Variants in TRPM3 observed in about 807,000 individuals in gnomAD.
TRPM3 encodes long transient receptor potential channel 3.
TRPM3 carries 77 observed loss-of-function variants against 181.2 expected under a neutral mutation model. The observed-to-expected ratio is 0.42, with a 90% CI of 0.35 to 0.51. TRPM3 has a LOEUF of 0.51. Ranked by LOEUF, TRPM3 falls within the 20% of genes least tolerant of loss-of-function variation. The probability of loss-of-function intolerance (pLI) is 0.01; values close to 1 mark genes in which losing one functional copy is unlikely to be tolerated. For missense variants in TRPM3, 1,759 were observed against 2,196.7 expected (o/e 0.80, Z 3.98); for synonymous variants, 745 against 796.4 (o/e 0.94, Z 1.09).
intron 1 of TRPM3, among the ~76,000 whole-genome samples, chr9:70,962,020 A>G (rs544658096): frequency 6.6e-6 from 1 of 152,306 alleles, no homozygotes; most frequent in South Asian, 2.1e-4. Context: ...CAAATTATAA[A>G]GATGATAGGA....
intron 1 of TRPM3, among the ~76,000 whole-genome samples, chr9:71,018,031 T>G (rs1249639610): frequency 6.6e-6 from 1 of 151,888 alleles, no homozygotes; most frequent in African/African-American, 2.4e-5. Context: ...GATAACTGAA[T>G]GATCCCCCGC....
chr9:70,917,676 C>T (rs2096614691), intron 1 of TRPM3, among the ~76,000 whole-genome samples: 1 of 151,594 alleles, frequency 6.6e-6, no homozygotes, highest in African/African-American at 2.4e-5. Flanking sequence ...AATTAAATCA[C>T]ATCACCAGAG....
At chr9:71,185,975 G>C (rs1007230470) in intron 1 of TRPM3, among the ~76,000 whole-genome samples, 1 of 152,218 alleles carries the variant, frequency 6.6e-6, no homozygotes, top group African/African-American at 2.4e-5. Context: ...AGGCCATGCT[G>C]TCAGTGAAAC....
At chr9:71,078,365 T>C (rs1450658517) in intron 1 of TRPM3, among the ~76,000 whole-genome samples, 1 of 152,172 alleles carries the variant, frequency 6.6e-6, no homozygotes, top group Admixed American at 6.5e-5. Context: ...TGTGTATAAA[T>C]ACACACTTTT....
At position 71,413,370 on chromosome 9, in the gene TRPM3, T is replaced by G. The variant is rs181313322; in HGVS notation, c.183+33283A>C. On this transcript the variant is annotated intron_variant, in intron 1 of 24. Transcript: ENST00000357533. Reference sequence around the variant, plus strand: ...AAATTATAATATCGAAAGTGTCTATTATTCTTTTTATAGGTGAGAAGAAAA... The same window carrying G: ...AAATTATAATATCGAAAGTGTCTATGATTCTTTTTATAGGTGAGAAGAAAA... Among the ~76,000 whole-genome samples, 305 of 152,256 alleles carry G rather than the reference T, an allele frequency of 2.0e-3. 1 individual carries two copies. The highest frequency in any genetic ancestry group is 7.1e-3 in the African/African-American group (294 of 41,564).
At chr9:71,005,060 T>C (rs936280897) in intron 1 of TRPM3, among the ~76,000 whole-genome samples, 2 of 152,022 alleles carry the variant, frequency 1.3e-5, no homozygotes, top group African/African-American at 2.4e-5. Flanking sequence ...GGAAGCCAAT[T>C]TGAGAAAATA....
intron 7 of TRPM3, chr9:70,783,874 CCTTTTTATTATCCGT>C: frequency 8.2e-7 from 1 of 1,224,268 alleles, no homozygotes; most frequent in East Asian, 3.7e-5. Flanking sequence ...TTTTCCTCAC[CCTTTTTATTATCCGT>C]GTAGCTTTCA....
At chr9:70,668,483 T>C (rs2062196750) in intron 9 of TRPM3, among the ~76,000 whole-genome samples, 1 of 151,802 alleles carries the variant, frequency 6.6e-6, no homozygotes, top group Non-Finnish European at 1.5e-5. Flanking sequence ...GCTAACACAG[T>C]GAAACCCCGT....
intron 1 of TRPM3, among the ~76,000 whole-genome samples, chr9:70,947,316 C>T (rs1391122221): frequency 3.3e-5 from 5 of 152,168 alleles, no homozygotes; most frequent in Non-Finnish European, 7.3e-5. Context: ...TGGATGTCTT[C>T]TTCTGTGAAG....
At chr9:71,380,906 T>C (rs988871833) in intron 1 of TRPM3, among the ~76,000 whole-genome samples, 35 of 149,672 alleles carry the variant, frequency 2.3e-4, no homozygotes, top group African/African-American at 7.1e-4. Context: ...CCATATATAG[T>C]AGGGAGTAGG....
At position 70,608,589 on chromosome 9, in the gene TRPM3, A is replaced by G. The variant is rs1291256723; in HGVS notation, c.2667+2020T>C. The stretch of plus-strand genomic sequence containing the variant: ...AGTGGTTATTGCCTGTAATCCCAGC[A>G]CTTTGGTAGGCTGAGGCAGGCCCAT... On this transcript the variant is annotated intron_variant, in intron 19 of 25. Transcript: ENST00000677713. 2.0e-5 allele frequency among the ~76,000 whole-genome samples: 3 copies of G among 152,298 alleles called. No individual in the cohort carries two copies. The East Asian group carries it at 5.8e-4, about 29-fold the overall frequency.
chr9:71,081,195 A>AATAT (rs1312175269), intron 1 of TRPM3, among the ~76,000 whole-genome samples: 2 of 152,208 alleles, frequency 1.3e-5, no homozygotes, highest in Non-Finnish European at 2.9e-5. Context: ...CAATGGCTAT[A>AATAT]ATATGTCAAC....
At chr9:70,677,921 AT>A (rs35877978) in intron 9 of TRPM3, among the ~76,000 whole-genome samples, 4,912 of 144,402 alleles carry the variant, frequency 0.034, 219 homozygotes, top group African/African-American at 0.1. Flanking sequence ...ATAATAAACA[AT>A]TTTTTTTTTT....
intron 1 of TRPM3, among the ~76,000 whole-genome samples, chr9:71,213,186 T>A (rs2079619316): frequency 6.6e-6 from 1 of 152,212 alleles, no homozygotes; most frequent in Admixed American, 6.5e-5. Context: ...AGGTAATATG[T>A]ATAGGAATGA....
At chr9:70,900,392 G>A (rs2096367975) in intron 1 of TRPM3, among the ~76,000 whole-genome samples, 1 of 151,546 alleles carries the variant, frequency 6.6e-6, no homozygotes, top group South Asian at 2.1e-4. Context: ...TTATTACAGA[G>A]ATTAAGGAAG....
chr9:70,935,811 C>T (rs530265600), intron 1 of TRPM3, among the ~76,000 whole-genome samples: 3 of 152,226 alleles, frequency 2.0e-5, no homozygotes, highest in South Asian at 4.2e-4. Flanking sequence ...AAGCGCAATC[C>T]GTACCCCAAA....
chr9:70,875,504 T>C (rs2095855077), intron 1 of TRPM3, among the ~76,000 whole-genome samples: 1 of 151,916 alleles, frequency 6.6e-6, no homozygotes, highest in Non-Finnish European at 1.5e-5. Flanking sequence ...CAGACTCCAA[T>C]CATCCTTAAG....
chr9:71,407,263 GCA>G (rs2093454498), intron 1 of TRPM3, among the ~76,000 whole-genome samples: 1 of 152,144 alleles, frequency 6.6e-6, no homozygotes, highest in African/African-American at 2.4e-5. Context: ...GTGAGCTGAA[GCA>G]CAGTGGGGCA....
intron 1 of TRPM3, among the ~76,000 whole-genome samples, chr9:71,444,423 A>G (rs917382145): frequency 7.9e-5 from 12 of 151,892 alleles, no homozygotes; most frequent in African/African-American, 1.2e-4. Flanking sequence ...TTGTCTTCAA[A>G]AGACAGAGTG....
Sources: gnomAD v4.1 joint callset for allele counts (sites outside exome capture counted in the v4.1 genomes callset) on GRCh38, gnomAD v4.1.1 for gene constraint, MANE v1.5 for transcripts, NCBI Gene and HGNC (gene_info 2026-07-23, HGNC 2026-07-21) for gene names.